The following CD180 variants were observed in gnomAD, a reference collection of about 807,000 sequenced individuals.
The protein encoded by CD180 is CD180 antigen.
A neutral mutation model predicts 10.7 loss-of-function variants in CD180; 11 were observed. That is an observed-to-expected ratio of 1.03 (90% confidence interval 0.65 to 1.70). The LOEUF is 1.70. CD180 is among the 40% of genes most tolerant of loss of function. The pLI is 0.00. For missense variants in CD180, 729 were observed against 775.2 expected, an observed-to-expected ratio of 0.94 and a Z score of 0.71; for synonymous variants, 286 against 294.6, an observed-to-expected ratio of 0.97 and a Z score of 0.30.
intron 1 of CD180, among the ~76,000 whole-genome samples, chr5:67,192,273 C>T (rs1742323815): frequency 2.0e-5 from 3 of 151,868 alleles, no homozygotes; most frequent in African/African-American, 4.8e-5. Context: ...GCCTGTAGTC[C>T]CAGCTACTCG....
In CD180 at chr5:67,184,037, T is replaced by C; in HGVS notation, c.806A>G (p.Lys269Arg). The change falls in exon 3 of 3, where the codon AAG becomes AGG. Residue 269 changes from lysine (K) to arginine (R), a missense_variant. Physicochemically the swap from Lys to Arg is conservative, Grantham distance 26. Transcript: ENST00000256447. The part of the protein sequence containing the change: ...DDEDISSAML[K>R]GLCEMSVESL... Reference sequence around the variant, plus strand: ...CTCAACAGACATTTCACAGAGTCCCTTGAGCATGGCTGAACTAATATCTTC... The same window carrying C: ...CTCAACAGACATTTCACAGAGTCCCCTGAGCATGGCTGAACTAATATCTTC... 4 of 1,614,184 alleles carry C rather than the reference T, an allele frequency of 2.5e-6. No homozygotes were observed. Among genetic ancestry groups the C allele is most frequent in the Non-Finnish European group, 3.4e-6 (4 of 1,180,026 alleles).
At chr5:67,191,173 C>A in intron 1 of CD180, 1 of 782,964 alleles carries the variant, frequency 1.3e-6, no homozygotes. Context: ...AAAGGGCATT[C>A]CAGTTACATG....
intron 1 of CD180, among the ~76,000 whole-genome samples, chr5:67,192,254 G>T (rs908373099): frequency 6.6e-6 from 1 of 152,066 alleles, no homozygotes; most frequent in African/African-American, 2.4e-5. Context: ...GCCAGGTGTG[G>T]TGGTGGGCGC....
chr5:67,194,315 C>G (rs575782513), intron 1 of CD180, among the ~76,000 whole-genome samples: 1 of 152,236 alleles, frequency 6.6e-6, no homozygotes, highest in East Asian at 1.9e-4. Flanking sequence ...GTCATGTGGC[C>G]AGAGGTCACA....
Position 67,185,870 on chromosome 5 carries a change from T to C in CD180, c.238A>G (p.Thr80Ala), listed in dbSNP as rs756714701. The C allele has an allele frequency of 4.4e-6, 7 of 1,599,186 alleles. No individual in the cohort carries two copies. The highest frequency in any genetic ancestry group is 1.1e-5 in the South Asian group (1 of 86,982). Residue 80 changes from threonine to alanine, a missense_variant, in exon 2 of 3, where the codon ACC becomes GCC. Coordinates refer to ENST00000256447, the MANE Select transcript of CD180 (RefSeq NM_005582.3). ...ACATACCTAGTTAAATCCAAAAAGG[T>C]AAGATTCATGAGTCTGCTGAAGGTT... ...NRTFSRLMNL[T>A]FLDLTRCQIN...
At chr5:67,184,609 C>T (rs1287771609) in intron 2 of CD180, 24 bp from the exon 3 acceptor site, 1 of 1,548,530 alleles carries the variant, frequency 6.5e-7, no homozygotes, top group Admixed American at 2.0e-5. Flanking sequence ...TCGTATTTAA[C>T]AATAATTCAT....
At position 67,183,758 on chromosome 5, in the gene CD180, C is replaced by T; in HGVS notation, c.1085G>A (p.Gly362Asp). 4 of 1,614,150 alleles carry T rather than the reference C, an allele frequency of 2.5e-6. No homozygotes were observed. Among genetic ancestry groups the T allele is most frequent in the East Asian group, 4.5e-5 (2 of 44,874 alleles). Residue 362 changes from glycine (G) to aspartate (D), a missense_variant, in exon 3 of 3, where the codon GGT becomes GAT. Transcript: ENST00000256447. Reference protein sequence around the residue: ...IRGNVKKLHLGVGCLEKLGNL... With the variant: ...IRGNVKKLHLDVGCLEKLGNL... ...TCCTAGTTTCTCCAAGCAGCCAACA[C>T]CAAGGTGAAGTTTCTTCACGTTGCC...
At chr5:67,189,490 A>T (rs1742261158) in intron 1 of CD180, among the ~76,000 whole-genome samples, 1 of 152,248 alleles carries the variant, frequency 6.6e-6, no homozygotes, top group African/African-American at 2.4e-5. Flanking sequence ...ATCTCTGGTT[A>T]GGTGGAAATG....
intron 1 of CD180, among the ~76,000 whole-genome samples, chr5:67,194,433 C>G (rs1348631372): frequency 6.6e-6 from 1 of 152,044 alleles, no homozygotes; most frequent in Non-Finnish European, 1.5e-5. Context: ...CCTGACTCAC[C>G]CCATCCTGCG....
chr5:67,184,917 T>C (rs1396753486), intron 2 of CD180, among the ~76,000 whole-genome samples: 1 of 152,064 alleles, frequency 6.6e-6, no homozygotes, highest in Non-Finnish European at 1.5e-5. Context: ...TCATATAGAA[T>C]GCATAATAGA....
chr5:67,185,771 G>T (rs977453448), intron 2 of CD180, 80 bp downstream of exon 2: 3 of 1,094,172 alleles, frequency 2.7e-6, no homozygotes, highest in South Asian at 2.3e-5. Context: ...CCCCCAAAAA[G>T]GTCCTGCAAA....
At chr5:67,187,057 G>A (rs1408174737) in intron 1 of CD180, among the ~76,000 whole-genome samples, 1 of 152,154 alleles carries the variant, frequency 6.6e-6, no homozygotes, top group Non-Finnish European at 1.5e-5. Flanking sequence ...TTTGAATGAG[G>A]ACAGTATTCA....
At position 67,180,863 on chromosome 5, in the gene CD180, G is replaced by T. The variant is rs1302665313; in HGVS notation, c.*1994C>A. On this transcript the variant is annotated 3_prime_UTR_variant, in exon 3 of 3. Transcript: ENST00000256447. ...AAAATACAAAAATTAGCCAGGCGTG[G>T]TGGTGGGCGCCTGTAATCCCAGCTA... 6.6e-6 allele frequency: 1 copy of T among 152,086 alleles called. No individual in the cohort carries two copies. The highest frequency in any genetic ancestry group is 6.6e-5 in the Admixed American group (1 of 15,266). 9.4% of individuals were successfully genotyped at this position (152,086 alleles called of 1,614,324 possible). A position where few individuals can be genotyped will look rare whatever the true frequency, so the allele number is the denominator to read the frequency against.
intron 1 of CD180, among the ~76,000 whole-genome samples, chr5:67,195,176 T>C (rs865816512): frequency 2.2e-4 from 33 of 152,108 alleles, no homozygotes; most frequent in African/African-American, 7.7e-4. Context: ...TAGTCTATGG[T>C]ATTCAGGGTT....
intron 1 of CD180, among the ~76,000 whole-genome samples, chr5:67,187,707 A>T (rs146148804): frequency 6.6e-6 from 1 of 152,138 alleles, no homozygotes; most frequent in Non-Finnish European, 1.5e-5. Flanking sequence ...TTGCCTGTGG[A>T]GTCTCCTTGG....
chr5:67,190,080 G>A (rs1429753603), intron 1 of CD180, among the ~76,000 whole-genome samples: 2 of 152,162 alleles, frequency 1.3e-5, no homozygotes, highest in African/African-American at 4.8e-5. Context: ...ATCTGAGACA[G>A]TTCCTCAGCC....
At chr5:67,195,271 C>T (rs1324476459) in intron 1 of CD180, among the ~76,000 whole-genome samples, 6 of 152,168 alleles carry the variant, frequency 3.9e-5, no homozygotes, top group African/African-American at 1.2e-4. Context: ...GGCTGGAGTG[C>T]GGTGGCACAA....
intron 1 of CD180, among the ~76,000 whole-genome samples, chr5:67,192,181 G>A (rs576858807): frequency 6.6e-6 from 1 of 152,262 alleles, no homozygotes; most frequent in East Asian, 1.9e-4. Flanking sequence ...AGGAGGTCAG[G>A]AGATCGAGAC....
chr5:67,193,291 A>G (rs1235192732), intron 1 of CD180, among the ~76,000 whole-genome samples: 1 of 152,238 alleles, frequency 6.6e-6, no homozygotes, highest in Non-Finnish European at 1.5e-5. Flanking sequence ...GAGGAAAGGA[A>G]AGCAGCTTGG....
Sources: allele counts gnomAD v4.1 joint callset (sites outside exome capture counted in the v4.1 genomes callset), GRCh38; gene constraint gnomAD v4.1.1; transcripts MANE v1.5; gene names NCBI Gene and HGNC (gene_info 2026-07-23, HGNC 2026-07-21).